The following ENO4 variants were observed in gnomAD, a reference collection of about 807,000 sequenced individuals.
ENO4 encodes the protein enolase 4.
Under a neutral mutation model 63.2 loss-of-function variants are expected in ENO4, and 53 were observed. The observed-to-expected ratio is 0.84, with a 90% confidence interval of 0.67 to 1.05. ENO4 has a LOEUF of 1.05. Among genes scored for constraint, ENO4 ranks in the 50% least tolerant of loss-of-function variants. The pLI is 0.00. For synonymous variants in ENO4, 266 were observed against 283.8 expected (o/e 0.94, Z 0.63); for missense variants, 719 against 772.0 (o/e 0.93, Z 0.81).
chr10:116,903,397 C>A (rs886201030), intron 10 of ENO4, among the ~76,000 whole-genome samples: 1 of 151,918 alleles, frequency 6.6e-6, no homozygotes, highest in African/African-American at 2.4e-5. Context: ...TGATGGTGGG[C>A]GCCTGTAATC....
At chr10:116,856,148 G>A (rs1387700399) in intron 2 of ENO4, among the ~76,000 whole-genome samples, 3 of 152,194 alleles carry the variant, frequency 2.0e-5, no homozygotes, top group East Asian at 3.9e-4. Flanking sequence ...TTAACAATTC[G>A]TTTTAATTCA....
intron 8 of ENO4, 144 bp from the exon 9 acceptor site, chr10:116,870,981 T>C (rs1564850528): frequency 4.4e-6 from 3 of 687,664 alleles, no homozygotes; most frequent in Non-Finnish European, 7.0e-6. Flanking sequence ...CCCTAAGTCA[T>C]GTGAATCAAT....
intron 10 of ENO4, among the ~76,000 whole-genome samples, chr10:116,899,111 G>C (rs1199191955): frequency 6.6e-6 from 1 of 152,108 alleles, no homozygotes; most frequent in East Asian, 1.9e-4. Flanking sequence ...GGCAGGAATT[G>C]TTCCATGTGT....
rs1230104759 is a variant in ENO4 at position 116,859,011 on chromosome 10, A to C, written c.507A>C (p.Val169=). The change falls in exon 4 of 14, where the codon GTA becomes GTC. Residue 169 remains valine, a synonymous_variant. Coordinates refer to ENST00000341276, the MANE Select transcript of ENO4 (RefSeq NM_001242699.2). ...HLLRIFFASK[V]QEDKGRKELE... ...TAAGGATATTCTTCGCAAGTAAAGTACAAGAAGATAAGGGGAGAAAAGAAT... is the reference window on the plus strand; with the variant it reads ...TAAGGATATTCTTCGCAAGTAAAGTCCAAGAAGATAAGGGGAGAAAAGAAT... 1 of 1,535,494 alleles carries C rather than the reference A, an allele frequency of 6.5e-7. No individual in the cohort carries two copies. The highest frequency in any genetic ancestry group is 8.7e-7 in the Non-Finnish European group (1 of 1,146,482).
chr10:116,897,986 T>C (rs940132138), intron 10 of ENO4, among the ~76,000 whole-genome samples: 3 of 152,192 alleles, frequency 2.0e-5, no homozygotes, highest in African/African-American at 4.8e-5. Flanking sequence ...AATTATTCTA[T>C]TGCCAGGTAT....
intron 8 of ENO4, among the ~76,000 whole-genome samples, chr10:116,870,355 T>G (rs562643222): frequency 6.6e-5 from 10 of 152,196 alleles, no homozygotes; most frequent in Non-Finnish European, 1.5e-4. Flanking sequence ...CAGTATTGCA[T>G]CCTCTTAGTG....
chr10:116,888,784 C>T (rs1000592194), intron 10 of ENO4, among the ~76,000 whole-genome samples: 2 of 152,146 alleles, frequency 1.3e-5, no homozygotes, highest in Non-Finnish European at 2.9e-5. Context: ...ACGGACCTTC[C>T]GAGGGTTAAA....
At chr10:116,903,209 G>A (rs1015901243) in intron 10 of ENO4, among the ~76,000 whole-genome samples, 5 of 152,286 alleles carry the variant, frequency 3.3e-5, no homozygotes, top group African/African-American at 9.6e-5. Context: ...AGGCAGACAC[G>A]TTTGGACATT....
chr10:116,871,397 ATTGTT>A lies in ENO4; in HGVS notation c.1215+108_1215+112del, dbSNP rs761041562. 1,448 of 1,058,078 alleles carry A rather than the reference ATTGTT, an allele frequency of 1.4e-3. 6 individuals carry two copies. Among genetic ancestry groups the A allele is most frequent in the Non-Finnish European group, 1.5e-3 (1,137 of 772,140 alleles). The allele number at this position is 1,058,078 out of a possible 1,614,324, so 65.5% of individuals were successfully genotyped here. A position where few individuals can be genotyped will look rare whatever the true frequency, so the allele number is the denominator to read the frequency against. ...TCTGAATATTGTCCAAACAGATCTT[ATTGTT>A]TTTTTATTAATATTGTGTGAAGGAT... On this transcript the variant is annotated intron_variant, in intron 9 of 13. Transcript: ENST00000341276.
intron 1 of ENO4, among the ~76,000 whole-genome samples, chr10:116,854,123 T>TC (rs1204999000): frequency 1.3e-5 from 2 of 152,172 alleles, no homozygotes; most frequent in African/African-American, 4.8e-5. Context: ...CTTCTGCTTT[T>TC]CCACCTCAAT....
intron 9 of ENO4, 135 bp downstream of exon 9, chr10:116,871,427 T>A: frequency 1.2e-6 from 1 of 828,336 alleles, no homozygotes; most frequent in Non-Finnish European, 1.7e-6. Flanking sequence ...GTGTGAAGGA[T>A]CCAAATATAA....
rs1186376858 is a variant in ENO4 at position 116,874,084 on chromosome 10, A to G, written c.1224A>G (p.Gly408=). Residue 408 remains glycine (G), a synonymous_variant, in exon 10 of 14, where the codon GGA becomes GGG. Coordinates refer to ENST00000341276, the MANE Select transcript of ENO4 (RefSeq NM_001242699.2). ...TTCCTGACACATATCAGAATAAAGGAAAGTATGAAGTGATCATGGGCACAT... is the reference window on the plus strand; with the variant it reads ...TTCCTGACACATATCAGAATAAAGGGAAGTATGAAGTGATCATGGGCACAT... ...AGHELMDYNK[G]KYEVIMGTYK... 3.2e-6 allele frequency: 5 copies of G among 1,544,358 alleles called. No individual in the cohort carries two copies. The highest frequency in any genetic ancestry group is 2.5e-5 in the East Asian group (1 of 40,804).
In ENO4 at chr10:116,849,846, G is replaced by A. The variant is rs1434456935; in HGVS notation, c.165+115G>A. 3.6e-5 allele frequency: 43 copies of A among 1,208,924 alleles called. No individual in the cohort carries two copies. The East Asian group carries it at 1.1e-3, about 30-fold the overall frequency. 74.9% of individuals were successfully genotyped at this position (1,208,924 alleles called of 1,614,324 possible). A position where few individuals can be genotyped will look rare whatever the true frequency, so the allele number is the denominator to read the frequency against. ...CAGAATCTCGCATGCCAGCCGCCCGGGCCCTGGGCCTGCGTGTGCGGAGGA... is the reference window on the plus strand; with the variant it reads ...CAGAATCTCGCATGCCAGCCGCCCGAGCCCTGGGCCTGCGTGTGCGGAGGA... On this transcript the variant is annotated intron_variant, in intron 1 of 13. Transcript: ENST00000341276.
chr10:116,854,412 T>C (rs1341945565), intron 1 of ENO4, among the ~76,000 whole-genome samples: 1 of 151,438 alleles, frequency 6.6e-6, no homozygotes, highest in Non-Finnish European at 1.5e-5. Flanking sequence ...ACAAAAGAAT[T>C]AGCCAGCCGT....
intron 10 of ENO4, chr10:116,900,973 C>T: frequency 1.0e-6 from 1 of 985,418 alleles, no homozygotes; most frequent in Non-Finnish European, 1.2e-6. Flanking sequence ...ACCTTTTAAG[C>T]TAAGACAGCT....
At chr10:116,869,543 G>A (rs981455944) in intron 8 of ENO4, among the ~76,000 whole-genome samples, 36 of 152,184 alleles carry the variant, frequency 2.4e-4, no homozygotes, top group African/African-American at 7.7e-4. Context: ...GATCAGGAGA[G>A]AGAAGAGAAA....
intron 10 of ENO4, among the ~76,000 whole-genome samples, chr10:116,888,971 G>A (rs891358725): frequency 1.4e-4 from 21 of 152,232 alleles, no homozygotes; most frequent in African/African-American, 4.8e-4. Context: ...TCACCAGTAC[G>A]AAGGTTTCAC....
intron 4 of ENO4, among the ~76,000 whole-genome samples, chr10:116,860,031 T>G (rs565977658): frequency 6.6e-6 from 1 of 152,332 alleles, no homozygotes. Context: ...TGATGGTTGC[T>G]TTTGACTAAT....
intron 3 of ENO4, among the ~76,000 whole-genome samples, chr10:116,857,217 G>A (rs551484663): frequency 6.6e-6 from 1 of 152,164 alleles, no homozygotes; most frequent in East Asian, 1.9e-4. Flanking sequence ...TTCATGTATA[G>A]AGCTTTCCTA....
Sources: allele counts gnomAD v4.1 joint callset (sites outside exome capture counted in the v4.1 genomes callset), GRCh38; gene constraint gnomAD v4.1.1; transcripts MANE v1.5; gene names NCBI Gene and HGNC (gene_info 2026-07-23, HGNC 2026-07-21).